AKAP8: variants seen among roughly 807,000 people sequenced by gnomAD.
AKAP8 encodes the protein A-kinase anchoring protein 8.
A neutral mutation model predicts 67.5 loss-of-function variants in AKAP8; 24 were observed. That is an observed-to-expected ratio of 0.36 (90% CI 0.26 to 0.50). The LOEUF is 0.50. Ranked by LOEUF, AKAP8 falls within the 20% of genes least tolerant of loss-of-function variation. The pLI, the probability that AKAP8 is intolerant of heterozygous loss-of-function variation, is 0.97. For missense variants in AKAP8, 971 were observed against 955.9 expected, an observed-to-expected ratio of 1.02 and a Z score of -0.21; for synonymous variants, 400 against 371.1, an observed-to-expected ratio of 1.08 and a Z score of -0.90.
At chr19:15,379,689 C>G (rs1444109483) in intron 1 of AKAP8, 24 bp downstream of exon 1, 2 of 1,607,076 alleles carry the variant, frequency 1.2e-6, no homozygotes, top group East Asian at 2.3e-5. Flanking sequence ...CCTCCCCGCT[C>G]CGCACCCAGC....
chr19:15,357,604 CAAAAA>C (rs936940793), intron 13 of AKAP8, among the ~76,000 whole-genome samples: 1 of 146,094 alleles, frequency 6.8e-6, no homozygotes, highest in Non-Finnish European at 1.5e-5. Flanking sequence ...GACCCTGACT[CAAAAA>C]AAAAGACGCT....
chr19:15,364,787 G>A (rs1377579727), intron 9 of AKAP8, among the ~76,000 whole-genome samples: 1 of 152,126 alleles, frequency 6.6e-6, no homozygotes, highest in African/African-American at 2.4e-5. Flanking sequence ...ACCGCACCCA[G>A]ACTTTTCTTT....
At position 15,369,274 on chromosome 19, in the gene AKAP8, G is replaced by C. The variant is rs1456206730; in HGVS notation, c.1072+872C>G. 1 of 985,092 alleles carries C rather than the reference G, an allele frequency of 1.0e-6. No homozygotes were observed. The highest frequency in any genetic ancestry group is 1.7e-5 in the African/African-American group (1 of 57,242). 61.0% of individuals were successfully genotyped at this position (985,092 alleles called of 1,614,324 possible). On this transcript the variant is annotated intron_variant, in intron 8 of 13. Transcript: ENST00000269701. This position sits in a 1 kb window ranked among gnomAD's most constrained non-coding sequence, Gnocchi z 4.6. The stretch of plus-strand genomic sequence containing the variant: ...TTGCTTTAGCATTGTGCCGCTAAGC[G>C]CTCGGGGCGCCCCGTGCTATGGACA...
intron 11 of AKAP8, 178 bp downstream of exon 11, chr19:15,361,551 A>ACTAAAAAGG (rs1966966171): frequency 1.8e-6 from 1 of 541,066 alleles, no homozygotes; most frequent in East Asian, 3.4e-5. Flanking sequence ...ACGGGGTTTC[A>ACTAAAAAGG]CCGTGTCAGA....
chr19:15,360,832 G>T lies in AKAP8; in HGVS notation c.1527+16C>A, dbSNP rs1055151228. 4 of 1,609,858 alleles carry T rather than the reference G, an allele frequency of 2.5e-6. 1 individual carries two copies. The East Asian group carries it at 6.7e-5, about 27-fold the overall frequency. ...CTGCAATGAGCACCCCAGGCAGTGT[G>T]GGGAGGAAGACTCACCCTGCGGTTG... On this transcript the variant is annotated intron_variant, in intron 12 of 13. Coordinates refer to ENST00000269701, the MANE Select transcript of AKAP8 (RefSeq NM_005858.4).
At chr19:15,370,663 G>A (rs4808300) in intron 7 of AKAP8, among the ~76,000 whole-genome samples, 109,042 of 136,876 alleles carry the variant, frequency 0.8, 43,437 homozygotes, top group East Asian at 0.99. Context: ...ACGGAGTCTC[G>A]CCCTGTCTCC....
At chr19:15,371,899 A>C (rs541350441) in intron 7 of AKAP8, 53 bp downstream of exon 7, 8 of 1,591,754 alleles carry the variant, frequency 5.0e-6, no homozygotes, top group Non-Finnish European at 6.9e-6. Context: ...AAGGGTGATT[A>C]AAGAAAGAAG....
intron 7 of AKAP8, among the ~76,000 whole-genome samples, chr19:15,371,533 G>A (rs1046777232): frequency 6.6e-6 from 1 of 151,064 alleles, no homozygotes; most frequent in Non-Finnish European, 1.5e-5. Flanking sequence ...CTGTCGCCCA[G>A]GCTGGGGTGC....
At chr19:15,374,579 G>T in intron 3 of AKAP8, 24 bp downstream of exon 3, 1 of 1,608,218 alleles carries the variant, frequency 6.2e-7, no homozygotes, top group Non-Finnish European at 8.5e-7. Flanking sequence ...CCCGCCCACA[G>T]ACCCCCCCCA....
At chr19:15,358,584 C>G (rs1180925011) in intron 13 of AKAP8, among the ~76,000 whole-genome samples, 2 of 152,156 alleles carry the variant, frequency 1.3e-5, no homozygotes, top group Non-Finnish European at 2.9e-5. Flanking sequence ...AACACCATCA[C>G]TCACTGTAGC....
intron 8 of AKAP8, chr19:15,368,806 T>A (rs1166462448): frequency 3.0e-6 from 3 of 985,182 alleles, no homozygotes. Context: ...CCGTCTGAAC[T>A]AGGGCCTCAG....
At chr19:15,364,324 G>A (rs1967035431) in intron 9 of AKAP8, among the ~76,000 whole-genome samples, 1 of 150,960 alleles carries the variant, frequency 6.6e-6, no homozygotes, top group Non-Finnish European at 1.5e-5. Context: ...ACCAAGCCTG[G>A]CTAAATTTTT....
Position 15,355,046 on chromosome 19 carries a change from C to T in AKAP8, c.1948G>A (p.Gly650Arg). ...GCTGCCATTGTCTCGGCGCCATTTC[C>T]AGCCTCTGCAGCCTCACTTCTGGCC... is the stretch of plus-strand genomic sequence containing the variant. ...PKARSEAAEA[G>R]NGAETMAAEA... Residue 650 changes from glycine (G) to arginine (R), a missense_variant, in exon 14 of 14, where the codon GGA (glycine) becomes AGA (arginine). Physicochemically the swap from Gly to Arg is moderately radical, Grantham distance 125 (BLOSUM62 -2). Transcript: ENST00000269701. 1 of 1,614,146 alleles carries T rather than the reference C, an allele frequency of 6.2e-7. No individual in the cohort carries two copies. Among genetic ancestry groups the T allele is most frequent in the Admixed American group, 1.7e-5 (1 of 60,024 alleles).
Position 15,368,167 on chromosome 19 carries a change from G to T in AKAP8, c.1160+68C>A, listed in dbSNP as rs556337276. ...CCCCAGCATTGTGGAGCGAGGACAGGTGAGCTCGGCAGCGCCTCCACCGCA... is the reference window on the plus strand; with the variant it reads ...CCCCAGCATTGTGGAGCGAGGACAGTTGAGCTCGGCAGCGCCTCCACCGCA... On this transcript the variant is annotated intron_variant, in intron 9 of 13. Coordinates refer to ENST00000269701, the MANE Select transcript of AKAP8 (RefSeq NM_005858.4). 178 of 1,588,602 alleles carry T rather than the reference G, an allele frequency of 1.1e-4. No homozygotes were observed. The African/African-American group carries it at 2.2e-3, about 19-fold the overall frequency.
intron 13 of AKAP8, among the ~76,000 whole-genome samples, chr19:15,356,415 AAAAAT>A (rs56040486): frequency 1.2e-4 from 18 of 148,786 alleles, no homozygotes; most frequent in Admixed American, 8.8e-4. Flanking sequence ...TCCATCTCAA[AAAAAT>A]AAAATAAAAT....
In AKAP8 at chr19:15,372,989, G is replaced by A. The variant is rs758451292; in HGVS notation, c.723C>T (p.Ser241=). The A allele has an allele frequency of 1.2e-4, 185 of 1,565,632 alleles. No homozygotes were observed. Among genetic ancestry groups the A allele is most frequent in the South Asian group, 9.1e-4 (77 of 84,372 alleles). The change falls in exon 5 of 14, where the codon AGC becomes AGT. Residue 241 remains serine (S), a synonymous_variant. Coordinates refer to ENST00000269701, the MANE Select transcript of AKAP8 (RefSeq NM_005858.4). The part of the protein sequence containing the change: ...GGRGLGGPSP[S]RPPPSLFSQS... ...GGGAGAAGAGGGACGGAGGTGGCCG[G>A]CTGGGGGAGGGCCCTCCCAGGCCCC...
At chr19:15,357,428 CAAAAAAAAAAAAAAAA>C (rs59205660) in intron 13 of AKAP8, among the ~76,000 whole-genome samples, 1 of 40,704 alleles carries the variant, frequency 2.5e-5, no homozygotes, top group African/African-American at 1.1e-4. Flanking sequence ...GACTCCATCT[CAAAAAAAAAAAAAAAA>C]AAAAAAAAAA....
Position 15,354,888 on chromosome 19 carries a change from G to T in AKAP8, c.*27C>A. The T allele has an allele frequency of 6.2e-7, 1 of 1,606,782 alleles. No homozygotes were observed. ...AGACCAACGCATCCATCATCCCAAC[G>T]CCTTCCCTGGAACAGGGAAATGAGC... On this transcript the variant is annotated 3_prime_UTR_variant, in exon 14 of 14. Transcript: ENST00000269701.
chr19:15,370,091 G>GTGC, intron 8 of AKAP8, 55 bp downstream of exon 8: 1 of 1,607,910 alleles, frequency 6.2e-7, no homozygotes, highest in Non-Finnish European at 8.5e-7. Flanking sequence ...TGGGCAGTAA[G>GTGC]TGCGGGGCAG....
Sources: gnomAD v4.1 joint callset for allele counts (sites outside exome capture counted in the v4.1 genomes callset) on GRCh38, gnomAD v4.1.1 for gene constraint, Gnocchi (gnomAD v3.1) non-coding constraint, MANE v1.5 for transcripts, NCBI Gene and HGNC (gene_info 2026-07-23, HGNC 2026-07-21) for gene names.